Variants in PLCH1 observed in about 807,000 individuals in gnomAD.
PLCH1 encodes the protein phospholipase C eta 1, also known as 1-phosphatidylinositol 4,5-bisphosphate phosphodiesterase eta-1.
In PLCH1, 60 loss-of-function variants were observed where a neutral mutation model predicts 126.7. The ratio of observed to expected loss-of-function variants is 0.47; its 90% CI spans 0.38 to 0.59. The LOEUF is 0.59. Among genes scored for constraint, PLCH1 ranks in the 20% least tolerant of loss-of-function variants. The pLI, the probability that PLCH1 is intolerant of heterozygous loss-of-function variation, is 0.00. For synonymous variants in PLCH1, 719 were observed against 734.9 expected (o/e 0.98, Z 0.35); for missense variants, 1,723 against 2,040.0 (o/e 0.84, Z 2.99).
chr3:155,533,219 G>A (rs1356428232), intron 10 of PLCH1, among the ~76,000 whole-genome samples: 1 of 152,200 alleles, frequency 6.6e-6, no homozygotes, highest in East Asian at 1.9e-4. Context: ...GAGCATAAAA[G>A]TTTGGAAAAT....
At chr3:155,514,910 G>C (rs775790952) in intron 11 of PLCH1, 26 bp from the exon 12 acceptor site, 1 of 1,510,340 alleles carries the variant, frequency 6.6e-7, no homozygotes, top group Non-Finnish European at 9.0e-7. Flanking sequence ...TAACACAAAT[G>C]ATTTCCTTAA....
chr3:155,738,465 A>G (rs895241881), intron 1 of PLCH1, among the ~76,000 whole-genome samples: 1 of 151,994 alleles, frequency 6.6e-6, no homozygotes. Flanking sequence ...ATATAGTGAG[A>G]CCCTGTCTCT....
intron 21 of PLCH1, among the ~76,000 whole-genome samples, chr3:155,466,790 G>C (rs776112404): frequency 6.6e-6 from 1 of 152,242 alleles, no homozygotes; most frequent in African/African-American, 2.4e-5. Flanking sequence ...ACATAACAAA[G>C]AGATTGAAAT....
intron 2 of PLCH1, among the ~76,000 whole-genome samples, chr3:155,678,072 A>G (rs1744230031): frequency 6.6e-6 from 1 of 152,284 alleles, no homozygotes; most frequent in South Asian, 2.1e-4. Flanking sequence ...GCTCCCAAGA[A>G]GTTTTGGAAA....
intron 15 of PLCH1, among the ~76,000 whole-genome samples, chr3:155,495,695 C>T (rs1325089858): frequency 6.6e-6 from 1 of 152,118 alleles, no homozygotes; most frequent in East Asian, 1.9e-4. Flanking sequence ...GGTTGTACAC[C>T]CTTAGATGTT....
Position 155,492,728 on chromosome 3 carries a change from C to T in PLCH1, c.2307+1G>A. 1 of 1,571,630 alleles carries T rather than the reference C, an allele frequency of 6.4e-7. No homozygotes were observed. The highest frequency in any genetic ancestry group is 8.6e-7 in the Non-Finnish European group (1 of 1,161,916). ...TAGACACGTAGTCATAGGCAACTTA[C>T]CTCGCCTCGATCTCCAAACATGGAG... On this transcript the variant is annotated splice_donor_variant, in intron 18 of 22. Transcript: ENST00000460012. LOFTEE classifies it high-confidence loss of function.
chr3:155,697,243 A>G (rs1197983482), intron 2 of PLCH1, among the ~76,000 whole-genome samples: 1 of 152,180 alleles, frequency 6.6e-6, no homozygotes, highest in Non-Finnish European at 1.5e-5. Flanking sequence ...AATAAAGAAC[A>G]CCAGTAGCTT....
intron 2 of PLCH1, among the ~76,000 whole-genome samples, chr3:155,604,567 A>G (rs983192087): frequency 6.6e-6 from 1 of 152,220 alleles, no homozygotes; most frequent in Non-Finnish European, 1.5e-5. Context: ...GGAATTCATC[A>G]GTAGTTTGTT....
chr3:155,696,286 T>A (rs1396315594), intron 2 of PLCH1, among the ~76,000 whole-genome samples: 2 of 152,172 alleles, frequency 1.3e-5, no homozygotes, highest in African/African-American at 4.8e-5. Flanking sequence ...GATGACTTCA[T>A]CCACGTGGTA....
chr3:155,647,285 A>G (rs1361208080), intron 2 of PLCH1, among the ~76,000 whole-genome samples: 1 of 151,830 alleles, frequency 6.6e-6, no homozygotes, highest in Admixed American at 6.6e-5. Context: ...AAAAACAAGC[A>G]TTTGTCCTCT....
At chr3:155,584,665 T>C (rs537750947) in intron 5 of PLCH1, among the ~76,000 whole-genome samples, 4 of 152,338 alleles carry the variant, frequency 2.6e-5, no homozygotes, top group African/African-American at 7.2e-5. Context: ...TTGAAATGCA[T>C]AGAATTTGTG....
At chr3:155,513,763 C>A (rs1719929046) in intron 12 of PLCH1, among the ~76,000 whole-genome samples, 1 of 152,186 alleles carries the variant, frequency 6.6e-6, no homozygotes, top group African/African-American at 2.4e-5. Context: ...TTGAGAGGAG[C>A]TAACCTTGAC....
intron 2 of PLCH1, among the ~76,000 whole-genome samples, chr3:155,656,369 A>T (rs143490540): frequency 1.3e-3 from 194 of 152,332 alleles, no homozygotes; most frequent in African/African-American, 4.4e-3. Flanking sequence ...TTCATAAAAG[A>T]TTATACTCAA....
At chr3:155,458,431 AAG>A (rs1712533558) in intron 21 of PLCH1, among the ~76,000 whole-genome samples, 1 of 89,074 alleles carries the variant, frequency 1.1e-5, no homozygotes, top group Non-Finnish European at 2.1e-5. Flanking sequence ...GGAAGGAAGG[AAG>A]GAAGGAAGGA....
intron 21 of PLCH1, among the ~76,000 whole-genome samples, chr3:155,453,382 A>T (rs1157081567): frequency 6.6e-6 from 1 of 152,176 alleles, no homozygotes; most frequent in Non-Finnish European, 1.5e-5. Flanking sequence ...GATTCTGATC[A>T]TTTTACTGTG....
Position 155,741,285 on chromosome 3 carries a change from G to A in PLCH1, c.-41+3555C>T, listed in dbSNP as rs75084567. Among the ~76,000 whole-genome samples the A allele has an allele frequency of 4.1e-4, 62 of 152,270 alleles. 2 individuals carry two copies. In the East Asian group the frequency reaches 0.012, roughly 29 times the overall value. On this transcript the variant is annotated intron_variant, in intron 1 of 22. Transcript: ENST00000460012. ...TGGAATAAGCCCCTGCTAGTGAGAA[G>A]AGAGAACATGCTTCCCAGGCCGAGG...
chr3:155,678,279 C>T (rs1423479103), intron 2 of PLCH1, among the ~76,000 whole-genome samples: 1 of 152,198 alleles, frequency 6.6e-6, no homozygotes, highest in African/African-American at 2.4e-5. Context: ...TGGAGCCCAA[C>T]CACACAAGCA....
At chr3:155,476,474 G>A (rs1197900418), downstream of PLCH1, among the ~76,000 whole-genome samples, 4 of 151,980 alleles carry the variant, frequency 2.6e-5, no homozygotes. Flanking sequence ...GATATAAAGG[G>A]CATCCAAATT....
Position 155,486,064 on chromosome 3 carries a change from G to A in PLCH1, c.2620-354C>T, listed in dbSNP as rs919211003. The A allele has an allele frequency of 2.4e-5, 20 of 833,536 alleles. No homozygotes were observed. In the African/African-American group the frequency reaches 3.1e-4, roughly 13 times the overall value. The allele number at this position is 833,536 out of a possible 1,614,324, so 51.6% of individuals were successfully genotyped here. ...GTTTCAAAGTGGTAAGCAGGAAGATGGAGTGATATGAAAAAGCATGCTGCC... is the reference window on the plus strand; with the variant it reads ...GTTTCAAAGTGGTAAGCAGGAAGATAGAGTGATATGAAAAAGCATGCTGCC... On this transcript the variant is annotated intron_variant, in intron 21 of 22. Transcript: ENST00000460012.
Sources: allele counts gnomAD v4.1 joint callset (sites outside exome capture counted in the v4.1 genomes callset), GRCh38; gene constraint gnomAD v4.1.1; transcripts MANE v1.5; gene names NCBI Gene and HGNC (gene_info 2026-07-23, HGNC 2026-07-21).